KIDINS220: variants seen among roughly 807,000 people sequenced by gnomAD.
The protein encoded by KIDINS220 is kinase D interacting substrate 220.
KIDINS220 carries 63 observed loss-of-function variants against 157.6 expected under a neutral mutation model. The ratio of observed to expected loss-of-function variants is 0.40; its 90% CI spans 0.33 to 0.49. The LOEUF is 0.49. Among genes scored for constraint, KIDINS220 ranks in the 20% least tolerant of loss-of-function variants. KIDINS220 has a pLI of 0.66. For synonymous variants in KIDINS220, 732 were observed against 783.6 expected (o/e 0.93, Z 1.10); for missense variants, 1,772 against 2,171.2 (o/e 0.82, Z 3.65).
Position 8,788,655 on chromosome 2 carries a change from T to C in KIDINS220, c.1779A>G (p.Leu593=). 1 of 1,613,050 alleles carries C rather than the reference T, an allele frequency of 6.2e-7. No individual in the cohort carries two copies. The highest frequency in any genetic ancestry group is 2.2e-5 in the East Asian group (1 of 44,866). Residue 593 remains leucine, a synonymous_variant, in exon 15 of 30, where the codon TTA becomes TTG. Coordinates refer to ENST00000256707, the MANE Select transcript of KIDINS220 (RefSeq NM_020738.4). ...CAAATGGTACAACTCACCTCACAGG[T>C]AAAGCTTTAGTAGTCTGCTCTGGCA... The part of the protein sequence containing the change: ...PELPEQTTKA[L]PVRFLFTDYN...
At chr2:8,743,975 T>C (rs1025891545) in intron 26 of KIDINS220, among the ~76,000 whole-genome samples, 1 of 151,278 alleles carries the variant, frequency 6.6e-6, no homozygotes, top group African/African-American at 2.4e-5. Context: ...TTTTCTCTAT[T>C]ATACAATTAT....
At chr2:8,737,117 A>G in intron 26 of KIDINS220, 118 bp from the exon 27 acceptor site, 1 of 983,048 alleles carries the variant, frequency 1.0e-6, no homozygotes, top group South Asian at 1.7e-5. Flanking sequence ...AAAAAAAACA[A>G]ATATGTTTAG....
At chr2:8,763,858 G>C (rs1669100290) in intron 22 of KIDINS220, among the ~76,000 whole-genome samples, 1 of 152,252 alleles carries the variant, frequency 6.6e-6, no homozygotes, top group South Asian at 2.1e-4. Flanking sequence ...GCTAAATGCA[G>C]ATCCACCATT....
At chr2:8,724,234 A>T (rs1663138863), downstream of KIDINS220, 1 of 152,304 alleles carries the variant, frequency 6.6e-6, no homozygotes, top group Non-Finnish European at 1.5e-5. The surrounding 1 kb of genome is among the most constrained non-coding windows in gnomAD (Gnocchi z 4.6). Flanking sequence ...GCACAACAGC[A>T]CAATGTTAAG....
chr2:8,741,125 C>T (rs1488898064), intron 26 of KIDINS220, among the ~76,000 whole-genome samples: 1 of 152,184 alleles, frequency 6.6e-6, no homozygotes, highest in Non-Finnish European at 1.5e-5. Flanking sequence ...AAGGAAATTA[C>T]AGTTTACTAC....
chr2:8,730,119 G>A lies in KIDINS220; in HGVS notation c.*601C>T, dbSNP rs1663830286. On this transcript the variant is annotated 3_prime_UTR_variant, in exon 30 of 30. Coordinates refer to ENST00000256707, the MANE Select transcript of KIDINS220 (RefSeq NM_020738.4). ...CCCCGTCACACTACTGCCAGCCCTG[G>A]TGACTCACTTTGTTGGCAATTTTTA... The A allele has an allele frequency of 1.4e-5, 14 of 985,784 alleles. No homozygotes were observed. The highest frequency in any genetic ancestry group is 1.6e-5 in the Non-Finnish European group (13 of 830,354). 61.1% of individuals were successfully genotyped at this position (985,784 alleles called of 1,614,324 possible). A position where few individuals can be genotyped will look rare whatever the true frequency, so the allele number is the denominator to read the frequency against.
rs1672385518 is a variant in KIDINS220 at position 8,786,269 on chromosome 2, C to G, written c.1876G>C (p.Glu626Gln). The change falls in exon 16 of 30, where the codon GAA becomes CAA. Residue 626 changes from glutamate (E) to glutamine (Q), a missense_variant. Glu to Gln is a conservative substitution (Grantham distance 29). Around this residue, in one of 3 missense-constraint regions of KIDINS220, gnomAD observed 725 missense variants for 1,017.1 expected, o/e 0.71. Coordinates refer to ENST00000256707, the MANE Select transcript of KIDINS220 (RefSeq NM_020738.4). ...EMIATLSDAC[E>Q]REFGFLATRL... ...GTTGCCAAAAAGCCAAACTCTCTTTCACAAGCATCCGAGAGGGTTGCAATC... is the reference window on the plus strand; with the variant it reads ...GTTGCCAAAAAGCCAAACTCTCTTTGACAAGCATCCGAGAGGGTTGCAATC... 6.2e-7 allele frequency: 1 copy of G among 1,614,038 alleles called. No individual in the cohort carries two copies. The highest frequency in any genetic ancestry group is 1.3e-5 in the African/African-American group (1 of 74,938).
At chr2:8,736,444 G>A (rs1664870458) in intron 27 of KIDINS220, among the ~76,000 whole-genome samples, 1 of 152,200 alleles carries the variant, frequency 6.6e-6, no homozygotes, top group African/African-American at 2.4e-5. Context: ...AGAATTTGGA[G>A]AAAATGAGGC....
intron 6 of KIDINS220, among the ~76,000 whole-genome samples, chr2:8,807,442 C>A (rs1317368595): frequency 6.6e-6 from 1 of 152,198 alleles, no homozygotes; most frequent in East Asian, 1.9e-4. Context: ...CTCTATAATT[C>A]TGTGCTGTGA....
intron 15 of KIDINS220, among the ~76,000 whole-genome samples, chr2:8,787,376 CT>C (rs374784127): frequency 5.8e-4 from 84 of 144,642 alleles, no homozygotes; most frequent in Non-Finnish European, 7.0e-4. Flanking sequence ...TCTTTTAATG[CT>C]TTTTTTTTTT....
chr2:8,788,518 C>T, intron 15 of KIDINS220, 129 bp downstream of exon 15: 1 of 799,728 alleles, frequency 1.3e-6, no homozygotes, highest in Non-Finnish European at 2.0e-6. Flanking sequence ...ATCTGCCCAC[C>T]TTGGCCTCCC....
At chr2:8,763,500 T>C (rs1160657681) in intron 22 of KIDINS220, among the ~76,000 whole-genome samples, 4 of 152,204 alleles carry the variant, frequency 2.6e-5, no homozygotes, top group Admixed American at 1.3e-4. Context: ...GCATTAAATG[T>C]GATAAGCTAG....
chr2:8,798,983 G>A (rs1046748171), intron 9 of KIDINS220, among the ~76,000 whole-genome samples: 2 of 152,082 alleles, frequency 1.3e-5, no homozygotes, highest in African/African-American at 4.8e-5. Context: ...GATAATGAAT[G>A]ACTTTTGCAG....
chr2:8,810,834 A>C (rs1676193915), intron 6 of KIDINS220, among the ~76,000 whole-genome samples: 1 of 152,182 alleles, frequency 6.6e-6, no homozygotes, highest in African/African-American at 2.4e-5. Flanking sequence ...CATTTTAGAC[A>C]TACCTCAAAC....
At chr2:8,779,923 C>G (rs1019513218) in intron 17 of KIDINS220, 109 bp from the exon 18 acceptor site, 19 of 1,148,984 alleles carry the variant, frequency 1.7e-5, no homozygotes, top group Non-Finnish European at 2.3e-5. Context: ...AGAAGACATT[C>G]AAAGTCCTTG....
chr2:8,755,387 A>G (rs1667883445), intron 22 of KIDINS220, among the ~76,000 whole-genome samples: 1 of 152,188 alleles, frequency 6.6e-6, no homozygotes, highest in Non-Finnish European at 1.5e-5. Context: ...TTATCTCCCA[A>G]TCTAGACTGG....
chr2:8,763,085 A>AGTAT (rs1668992298), intron 22 of KIDINS220, among the ~76,000 whole-genome samples: 1 of 152,226 alleles, frequency 6.6e-6, no homozygotes, highest in Non-Finnish European at 1.5e-5. Context: ...AAATACTCAT[A>AGTAT]GATATATCAA....
At chr2:8,755,199 C>A (rs1447125510) in intron 22 of KIDINS220, among the ~76,000 whole-genome samples, 1 of 152,226 alleles carries the variant, frequency 6.6e-6, no homozygotes, top group South Asian at 2.1e-4. Flanking sequence ...TGGCTACACC[C>A]TTCCATCTTC....
intron 9 of KIDINS220, among the ~76,000 whole-genome samples, chr2:8,799,428 G>T (rs1438003): frequency 1.6e-4 from 24 of 152,108 alleles, no homozygotes; most frequent in Admixed American, 1.2e-3. Context: ...TCAGCAACCC[G>T]GCCAGGCTCT....
Sources: allele counts gnomAD v4.1 joint callset (sites outside exome capture counted in the v4.1 genomes callset), GRCh38; gene constraint gnomAD v4.1.1; regional missense constraint gnomAD v4.1.1; non-coding constraint Gnocchi (gnomAD v3.1); transcripts MANE v1.5; gene names NCBI Gene and HGNC (gene_info 2026-07-23, HGNC 2026-07-21).